The following DMD variants were observed in gnomAD, a reference collection of about 807,000 sequenced individuals.
The protein encoded by DMD is dystrophin, also known as mutant dystrophin.
DMD carries 63 observed loss-of-function variants against 330.1 expected under a neutral mutation model. The ratio of observed to expected loss-of-function variants is 0.19; its 90% CI spans 0.16 to 0.24. The LOEUF is 0.24. Ranked by LOEUF, DMD falls within the 10% of genes least tolerant of loss-of-function variation. DMD has a pLI of 1.00. For missense variants in DMD, 3,344 were observed against 2,684.1 expected, an observed-to-expected ratio of 1.25 and a Z score of -5.43; for synonymous variants, 1,223 against 959.8, an observed-to-expected ratio of 1.27 and a Z score of -5.07.
intron 2 of DMD, among the ~76,000 whole-genome samples, chrX:32,989,066 T>C (rs926429731): frequency 1.8e-5 from 2 of 111,448 alleles, no homozygotes; most frequent in African/African-American, 6.5e-5. Flanking sequence ...ACAAAATGTG[T>C]CACATAAAAC....
intron 1 of DMD, among the ~76,000 whole-genome samples, chrX:33,219,077 T>A (rs1329491033): frequency 8.9e-6 from 1 of 112,042 alleles, no homozygotes; most frequent in Non-Finnish European, 1.9e-5. Flanking sequence ...GTCATCTTTG[T>A]CATGTCAGTA....
intron 15 of DMD, among the ~76,000 whole-genome samples, chrX:32,566,748 TC>T (rs1306394452): frequency 1.8e-5 from 2 of 111,942 alleles, no homozygotes; most frequent in African/African-American, 3.3e-5. Flanking sequence ...GGGCAGTTTT[TC>T]TTTTACTTGA....
intron 9 of DMD, among the ~76,000 whole-genome samples, chrX:32,684,522 T>C (rs2062704297): frequency 9.0e-6 from 1 of 111,549 alleles, no homozygotes; most frequent in African/African-American, 3.3e-5. Context: ...TAAATTTAAA[T>C]TTTGTGATTA....
In DMD at chrX:32,505,438, G is replaced by T. The variant is rs145793281; in HGVS notation, c.2293-3596C>A. Among the ~76,000 whole-genome samples, 66 of 111,775 alleles carry T rather than the reference G, an allele frequency of 5.9e-4. 2 individuals are homozygous for T. The East Asian group carries it at 0.017, about 29-fold the overall frequency. ...ATGTTTCACATCATATGTTACCAGGGAATTACAAATTAAACAATGAGATAC... is the reference window on the plus strand; with the variant it reads ...ATGTTTCACATCATATGTTACCAGGTAATTACAAATTAAACAATGAGATAC... On this transcript the variant is annotated intron_variant, in intron 18 of 78. Coordinates refer to ENST00000357033, the MANE Select transcript of DMD (RefSeq NM_004006.3).
chrX:32,409,990 A>T (rs1427227132), intron 30 of DMD, among the ~76,000 whole-genome samples: 1 of 111,772 alleles, frequency 8.9e-6, no homozygotes, highest in African/African-American at 3.2e-5. Context: ...ATATGTATAA[A>T]TATTTTATAT....
chrX:32,848,903 A>C (rs1310274990), intron 3 of DMD, among the ~76,000 whole-genome samples: 1 of 110,981 alleles, frequency 9.0e-6, no homozygotes, highest in Non-Finnish European at 1.9e-5. Flanking sequence ...TAAGTGTTAC[A>C]GGAGGCAGGC....
intron 44 of DMD, among the ~76,000 whole-genome samples, chrX:32,204,538 A>G: frequency 8.9e-6 from 1 of 111,761 alleles, no homozygotes; most frequent in Middle Eastern, 4.6e-3. Context: ...ACTTCCTTAC[A>G]CTCACCATAT....
At chrX:32,614,668 A>G (rs1450015683) in intron 11 of DMD, among the ~76,000 whole-genome samples, 2 of 111,317 alleles carry the variant, frequency 1.8e-5, no homozygotes, top group Non-Finnish European at 3.8e-5. Flanking sequence ...ATTTCTAAAA[A>G]CTTTCACATA....
intron 1 of DMD, among the ~76,000 whole-genome samples, chrX:33,143,875 GT>G (rs1210863166): frequency 1.8e-5 from 2 of 111,103 alleles, no homozygotes; most frequent in Admixed American, 1.9e-4. Flanking sequence ...AAAAAATACA[GT>G]TTTTTTTAAA....
At chrX:32,993,029 G>A (rs2093021656) in intron 2 of DMD, among the ~76,000 whole-genome samples, 1 of 111,749 alleles carries the variant, frequency 8.9e-6, no homozygotes, top group African/African-American at 3.3e-5. Context: ...ATTGTAGTTG[G>A]GGATTGCCCC....
At chrX:31,382,846 G>A (rs12855372) in intron 60 of DMD, among the ~76,000 whole-genome samples, 8,644 of 109,912 alleles carry the variant, frequency 0.079, 320 homozygotes, top group Middle Eastern at 0.14. Context: ...ACACCACCCC[G>A]AAAATTTTCG....
chrX:32,468,706 A>G lies in DMD; in HGVS notation c.2954T>C (p.Leu985Ser). The G allele has an allele frequency of 8.3e-7, 1 of 1,205,264 alleles. No individual in the cohort carries two copies. Among genetic ancestry groups the G allele is most frequent in the Non-Finnish European group, 1.1e-6 (1 of 890,548 alleles). Residue 985 changes from leucine (L) to serine (S), a missense_variant, in exon 23 of 79, where the codon TTA (leucine) becomes TCA (serine). Physicochemically the swap from Leu to Ser is moderately radical, Grantham distance 145. Transcript: ENST00000357033. ...MEQRLGELQALQSSLQEQQSG... is the reference protein window; with the variant it reads ...MEQRLGELQASQSSLQEQQSG... ...TTGTTGCTCTTGCAGAGAACTTTGTAAAGCCTAAAAAACAATTTTTTAAAT... is the reference window on the plus strand; with the variant it reads ...TTGTTGCTCTTGCAGAGAACTTTGTGAAGCCTAAAAAACAATTTTTTAAAT...
At chrX:32,178,830 G>GTGT (rs1569549001) in intron 44 of DMD, among the ~76,000 whole-genome samples, 8,940 of 99,082 alleles carry the variant, frequency 0.09, 307 homozygotes, top group Middle Eastern at 0.12. Context: ...TATTCCAGGG[G>GTGT]GTGTGTGTGT....
intron 41 of DMD, among the ~76,000 whole-genome samples, chrX:32,324,752 T>G (rs1411943369): frequency 1.4e-4 from 16 of 111,649 alleles, no homozygotes; most frequent in African/African-American, 4.9e-4. Context: ...AGACAAAAAA[T>G]ACAAATAAAA....
At chrX:31,980,831 GT>G (rs2095471392) in intron 44 of DMD, among the ~76,000 whole-genome samples, 1 of 111,653 alleles carries the variant, frequency 9.0e-6, no homozygotes, top group Admixed American at 9.5e-5. Flanking sequence ...AAATAAGTCT[GT>G]TTCATCTTAT....
intron 18 of DMD, among the ~76,000 whole-genome samples, chrX:32,502,786 T>C (rs1159814074): frequency 9.0e-6 from 1 of 111,308 alleles, no homozygotes; most frequent in Non-Finnish European, 1.9e-5. Context: ...CCACAGGCAT[T>C]TAAAAAAATA....
intron 63 of DMD, among the ~76,000 whole-genome samples, chrX:31,247,340 G>A (rs951435470): frequency 1.8e-5 from 2 of 111,275 alleles, no homozygotes; most frequent in African/African-American, 6.5e-5. Flanking sequence ...GGTGGCTCAC[G>A]GCTGTAATCC....
intron 1 of DMD, among the ~76,000 whole-genome samples, chrX:33,179,554 C>A (rs770548400): frequency 9.2e-6 from 1 of 108,560 alleles, no homozygotes; most frequent in South Asian, 4.1e-4. Context: ...ATTAGCCGGG[C>A]GTGGTGGCGG....
chrX:32,471,989 T>C (rs1163141752), intron 22 of DMD, among the ~76,000 whole-genome samples, 175 bp downstream of exon 22: 1 of 112,619 alleles, frequency 8.9e-6, no homozygotes, highest in Non-Finnish European at 1.9e-5. Flanking sequence ...TACATATATA[T>C]CCATAGATAG....
Sources: gnomAD v4.1 joint callset for allele counts (sites outside exome capture counted in the v4.1 genomes callset) on GRCh38, gnomAD v4.1.1 for gene constraint, MANE v1.5 for transcripts, NCBI Gene and HGNC (gene_info 2026-07-23, HGNC 2026-07-21) for gene names.